COL12A1: variants seen among roughly 807,000 people sequenced by gnomAD.
COL12A1 encodes collagen type XII alpha 1 chain.
COL12A1 carries 114 observed loss-of-function variants against 349.7 expected under a neutral mutation model. The ratio of observed to expected loss-of-function variants is 0.33; its 90% CI spans 0.28 to 0.38. The LOEUF is 0.38. Among genes scored for constraint, COL12A1 ranks in the 10% least tolerant of loss-of-function variants. The pLI, the probability that COL12A1 is intolerant of heterozygous loss-of-function variation, is 1.00. For missense variants in COL12A1, 3,284 were observed against 3,756.9 expected, an observed-to-expected ratio of 0.87 and a Z score of 3.29; for synonymous variants, 1,369 against 1,329.0, an observed-to-expected ratio of 1.03 and a Z score of -0.66.
chr6:75,091,211 CAAATG>C (rs1767747191), intron 62 of COL12A1, 107 bp downstream of exon 62: 8 of 824,846 alleles, frequency 9.7e-6, no homozygotes, highest in East Asian at 2.6e-5. Flanking sequence ...AAAAGCTTAT[CAAATG>C]AAATGAAAGA....
In COL12A1 at chr6:75,155,692, T is replaced by C. The variant is rs1253480537; in HGVS notation, c.3413A>G (p.Tyr1138Cys). ...RRLGELVVGPYDNTVVLEELR... is the reference protein window; with the variant it reads ...RRLGELVVGPCDNTVVLEELR... The stretch of plus-strand genomic sequence containing the variant: ...TTCCTCCAAAACAACTGTGTTGTCA[T>C]AGGGTCCAACCACTAACTCCCCCAG... The change falls in exon 16 of 66, where the codon TAT becomes TGT. Residue 1138 changes from tyrosine (Y) to cysteine (C), a missense_variant. Physicochemically the swap from Tyr to Cys is radical, Grantham distance 194. Coordinates refer to ENST00000322507, the MANE Select transcript of COL12A1 (RefSeq NM_004370.6). 2.5e-6 allele frequency: 4 copies of C among 1,610,354 alleles called. No homozygotes were observed. In the African/African-American group the frequency reaches 5.4e-5, roughly 22 times the overall value.
chr6:75,196,758 C>T (rs1770246778), intron 2 of COL12A1, among the ~76,000 whole-genome samples: 1 of 152,136 alleles, frequency 6.6e-6, no homozygotes, highest in Non-Finnish European at 1.5e-5. Context: ...GACACACTGG[C>T]CTGAGCATGC....
At chr6:75,129,910 T>C (rs1036007155) in intron 37 of COL12A1, among the ~76,000 whole-genome samples, 181 bp downstream of exon 37, 1 of 152,178 alleles carries the variant, frequency 6.6e-6, no homozygotes. Context: ...CTCTGTGGTA[T>C]GGGAGGCCAG....
intron 3 of COL12A1, among the ~76,000 whole-genome samples, chr6:75,194,030 A>T (rs556256812): frequency 6.6e-6 from 1 of 152,174 alleles, no homozygotes; most frequent in African/African-American, 2.4e-5. Flanking sequence ...AAGTGCCACA[A>T]TGAACATACG....
intron 24 of COL12A1, among the ~76,000 whole-genome samples, chr6:75,145,795 C>A (rs996463219): frequency 1.3e-5 from 2 of 151,980 alleles, no homozygotes; most frequent in Non-Finnish European, 2.9e-5. Flanking sequence ...CCACACCCGA[C>A]TAATTTTTGT....
intron 2 of COL12A1, among the ~76,000 whole-genome samples, chr6:75,201,198 T>A (rs775580337): frequency 6.6e-6 from 1 of 152,186 alleles, no homozygotes; most frequent in Admixed American, 6.5e-5. Context: ...GCCACTTCAG[T>A]GAATTATCTA....
chr6:75,162,075 C>T (rs557254302), intron 14 of COL12A1, among the ~76,000 whole-genome samples: 6 of 152,154 alleles, frequency 3.9e-5, no homozygotes, highest in Non-Finnish European at 8.8e-5. Context: ...GGCCATACTG[C>T]CCAAAGTAAT....
At chr6:75,088,745 G>A in intron 64 of COL12A1, among the ~76,000 whole-genome samples, 1 of 151,938 alleles carries the variant, frequency 6.6e-6, no homozygotes, top group Non-Finnish European at 1.5e-5. Flanking sequence ...GCTCACTTCT[G>A]TAATCCCAGC....
At position 75,124,390 on chromosome 6, in the gene COL12A1, A is replaced by G. The variant is rs2149374329; in HGVS notation, c.6608-19T>C. The G allele has an allele frequency of 6.5e-7, 1 of 1,546,660 alleles. No individual in the cohort carries two copies. The highest frequency in any genetic ancestry group is 8.9e-7 in the Non-Finnish European group (1 of 1,129,656). On this transcript the variant is annotated intron_variant, in intron 40 of 65. Coordinates refer to ENST00000322507, the MANE Select transcript of COL12A1 (RefSeq NM_004370.6). ...AAATATACTACAAAATAAAGAAAGA[A>G]AGAGATTTACTTTGTAAATTGAGGC...
At chr6:75,153,568 C>G (rs1364155351) in intron 17 of COL12A1, among the ~76,000 whole-genome samples, 1 of 151,978 alleles carries the variant, frequency 6.6e-6, no homozygotes, top group Non-Finnish European at 1.5e-5. Context: ...TTAAATAATG[C>G]TCATCACACT....
In COL12A1 at chr6:75,189,236, T is replaced by C. The variant is rs754993343; in HGVS notation, c.804A>G (p.Gly268=). Residue 268 remains glycine (G), a synonymous_variant, in exon 7 of 66, where the codon GGA becomes GGG. Coordinates refer to ENST00000322507, the MANE Select transcript of COL12A1 (RefSeq NM_004370.6). The part of the protein sequence containing the change: ...EIPARELRNV[G]VEVFSLGIKA... ...ACCTACCCAAGGAGAAAACTTCAAC[T>C]CCAACATTACGAAGCTCTCTTGCTG... 1.9e-6 allele frequency: 3 copies of C among 1,612,844 alleles called. No individual in the cohort carries two copies. In the Admixed American group the frequency reaches 5.0e-5, roughly 27 times the overall value.
intron 20 of COL12A1, 115 bp downstream of exon 20, chr6:75,151,752 G>A: frequency 9.0e-7 from 1 of 1,115,450 alleles, no homozygotes; most frequent in Non-Finnish European, 1.3e-6. Flanking sequence ...GATAAATTAT[G>A]TGATAGAAAA....
chr6:75,127,847 G>GA (rs1766096350), intron 38 of COL12A1, among the ~76,000 whole-genome samples: 1 of 152,038 alleles, frequency 6.6e-6, no homozygotes, highest in Non-Finnish European at 1.5e-5. Flanking sequence ...TTCTTTTTTA[G>GA]AAAAAGCTAA....
intron 12 of COL12A1, among the ~76,000 whole-genome samples, chr6:75,176,572 G>A (rs1464252985): frequency 1.3e-5 from 2 of 152,070 alleles, no homozygotes; most frequent in African/African-American, 2.4e-5. Context: ...AAGAGATAAT[G>A]GATACTCCTT....
intron 31 of COL12A1, 137 bp downstream of exon 31, chr6:75,137,300 C>T: frequency 1.3e-6 from 1 of 772,016 alleles, no homozygotes; most frequent in Admixed American, 3.1e-5. Flanking sequence ...GCTAAAGAGT[C>T]AGATTATTCC....
In COL12A1 at chr6:75,117,533, A is replaced by C. The variant is rs978693246; in HGVS notation, c.7368T>G (p.Phe2456Leu). The change falls in exon 47 of 66, where the codon TTT (phenylalanine) becomes TTG (leucine). Residue 2456 changes from phenylalanine to leucine, a missense_variant. This residue lies in a region of COL12A1 where 683 missense variants were observed against 932.1 expected (regional missense o/e 0.73). Transcript: ENST00000322507. ...AGTCGACATCAGCCACACCAACTAC[A>C]AAGACACTGAACCCTGCAAAGTAGC... is the stretch of plus-strand genomic sequence containing the variant. ...LVIQQSGFSVFVVGVADVDYN... is the reference protein window; with the variant it reads ...LVIQQSGFSVLVVGVADVDYN... 3 of 1,613,398 alleles carry C rather than the reference A, an allele frequency of 1.9e-6. No individual in the cohort carries two copies. The African/African-American group carries it at 4.0e-5, about 22-fold the overall frequency.
intron 51 of COL12A1, 52 bp from the exon 52 acceptor site, chr6:75,109,219 C>T: frequency 3.0e-6 from 4 of 1,315,390 alleles, no homozygotes; most frequent in South Asian, 2.7e-5. Context: ...AAAAAATTAG[C>T]TGACTCTGCA....
At chr6:75,188,636 CA>C (rs1263907642) in intron 7 of COL12A1, 101 bp from the exon 8 acceptor site, 4 of 1,297,298 alleles carry the variant, frequency 3.1e-6, no homozygotes. Flanking sequence ...AAGACATATT[CA>C]AATCGTCATT....
chr6:75,105,978 A>G (rs973084898), intron 53 of COL12A1, among the ~76,000 whole-genome samples: 5 of 152,158 alleles, frequency 3.3e-5, no homozygotes, highest in Admixed American at 1.3e-4. Context: ...TCCATCACCA[A>G]CGTTCAACTT....
Sources: allele counts gnomAD v4.1 joint callset (sites outside exome capture counted in the v4.1 genomes callset), GRCh38; gene constraint gnomAD v4.1.1; regional missense constraint gnomAD v4.1.1; transcripts MANE v1.5; gene names NCBI Gene and HGNC (gene_info 2026-07-23, HGNC 2026-07-21).